Variants in PASD1 observed in about 807,000 individuals in gnomAD.
The protein encoded by PASD1 is PAS domain containing repressor 1, also known as circadian clock protein PASD1.
In PASD1, 13 loss-of-function variants were observed where a neutral mutation model predicts 58.8. That is an observed-to-expected ratio of 0.22 (90% CI 0.14 to 0.35). The LOEUF is 0.35. Ranked by LOEUF, PASD1 falls within the 10% of genes least tolerant of loss-of-function variation. The pLI, the probability that PASD1 is intolerant of heterozygous loss-of-function variation, is 1.00. For missense variants in PASD1, 734 were observed against 568.3 expected (o/e 1.29, Z -2.96); for synonymous variants, 236 against 216.7 (o/e 1.09, Z -0.78).
intron 9 of PASD1, among the ~76,000 whole-genome samples, chrX:151,656,789 T>C (rs2014248169): frequency 8.9e-6 from 1 of 111,903 alleles, no homozygotes; most frequent in South Asian, 3.7e-4. Context: ...AAATATACAA[T>C]CATGTCATCT....
chrX:151,604,705 T>G lies in PASD1; in HGVS notation c.88T>G (p.Tyr30Asp), dbSNP rs1159058872. 1 of 1,206,740 alleles carries G rather than the reference T, an allele frequency of 8.3e-7. No homozygotes were observed. ...AAACTGGATTCCATCATTTCCTACC[T>G]ATGATTACTTCAACCAAGTGACGCT... ...KLNWIPSFPT[Y>D]DYFNQVTLQL... The change falls in exon 3 of 16, where the codon TAT (tyrosine) becomes GAT (aspartate). Residue 30 changes from tyrosine (Y) to aspartate (D), a missense_variant. Tyr to Asp is a radical substitution (Grantham distance 160). Transcript: ENST00000370357.
intron 9 of PASD1, among the ~76,000 whole-genome samples, chrX:151,657,839 GTTT>G (rs57349622): frequency 2.0e-5 from 2 of 98,943 alleles, no homozygotes; most frequent in Admixed American, 1.1e-4. Flanking sequence ...TTTTTGGAGG[GTTT>G]TTTTTTTTTT....
intron 8 of PASD1, among the ~76,000 whole-genome samples, chrX:151,636,589 G>A (rs1458268899): frequency 9.1e-6 from 1 of 110,286 alleles, no homozygotes; most frequent in African/African-American, 3.3e-5. Flanking sequence ...TTTTTAGTAG[G>A]GATGGGGTTT....
At chrX:151,675,937 C>T in intron 15 of PASD1, 60 bp from the exon 16 acceptor site, 1 of 1,158,771 alleles carries the variant, frequency 8.6e-7, no homozygotes, top group Non-Finnish European at 1.2e-6. Context: ...CTCCTACCAC[C>T]AAAAAATGGG....
In PASD1 at chrX:151,601,597, T is replaced by C; in HGVS notation, c.28+16T>C. 5.0e-6 allele frequency: 6 copies of C among 1,204,937 alleles called. No individual in the cohort carries two copies. The highest frequency in any genetic ancestry group is 6.7e-6 in the Non-Finnish European group (6 of 889,997). On this transcript the variant is annotated intron_variant, in intron 2 of 15. Transcript: ENST00000370357. ...AAGAGAAGAGGTATGCATTCATAAC[T>C]GACTGACATTTCTGTCAAAGCCCTC...
At chrX:151,570,853 G>A (rs189425669) in intron 1 of PASD1, among the ~76,000 whole-genome samples, 88 of 112,303 alleles carry the variant, frequency 7.8e-4, no homozygotes, top group African/African-American at 2.6e-3. Context: ...TTTTACTGTG[G>A]ATTGTCAGCT....
intron 1 of PASD1, among the ~76,000 whole-genome samples, chrX:151,572,277 A>G (rs907536439): frequency 9.0e-6 from 1 of 111,641 alleles, no homozygotes; most frequent in Admixed American, 9.6e-5. Context: ...AACAACAACA[A>G]TAATAACAAT....
At chrX:151,581,622 T>C (rs1188758939) in intron 1 of PASD1, among the ~76,000 whole-genome samples, 1 of 111,444 alleles carries the variant, frequency 9.0e-6, no homozygotes, top group Admixed American at 9.6e-5. Context: ...TAGAAATACA[T>C]CTTTTCTTAT....
chrX:151,589,835 A>G (rs971169795), intron 1 of PASD1, among the ~76,000 whole-genome samples: 13 of 112,510 alleles, frequency 1.2e-4, no homozygotes, highest in Non-Finnish European at 1.7e-4. Flanking sequence ...TCATTGTTCT[A>G]TCACTAAAAG....
At chrX:151,618,911 G>A (rs1232078547) in intron 4 of PASD1, among the ~76,000 whole-genome samples, 1 of 111,365 alleles carries the variant, frequency 9.0e-6, no homozygotes, top group South Asian at 3.8e-4. Context: ...AGTGGTGAAA[G>A]CCCTTATAAA....
intron 1 of PASD1, among the ~76,000 whole-genome samples, chrX:151,580,741 A>T (rs891061020): frequency 9.0e-6 from 1 of 110,757 alleles, no homozygotes; most frequent in African/African-American, 3.3e-5. Flanking sequence ...TGTTCATGGT[A>T]TAATGTTAAG....
intron 7 of PASD1, among the ~76,000 whole-genome samples, chrX:151,624,481 A>G (rs956488083): frequency 1.8e-5 from 2 of 111,925 alleles, no homozygotes; most frequent in African/African-American, 6.5e-5. Flanking sequence ...TCCTTTCCCT[A>G]CCAGCTCTGT....
intron 3 of PASD1, among the ~76,000 whole-genome samples, chrX:151,607,883 A>ATT (rs1210497051): frequency 8.9e-6 from 1 of 111,969 alleles, no homozygotes; most frequent in Non-Finnish European, 1.9e-5. Context: ...AAGCAAAGCT[A>ATT]ACATCCCTGG....
At chrX:151,589,236 A>G (rs1429913298) in intron 1 of PASD1, among the ~76,000 whole-genome samples, 2 of 111,238 alleles carry the variant, frequency 1.8e-5, no homozygotes, top group African/African-American at 6.5e-5. Context: ...GCGGGCATAC[A>G]TTAGGTGCCA....
chrX:151,651,491 C>T (rs895295039), intron 9 of PASD1, among the ~76,000 whole-genome samples: 1 of 111,797 alleles, frequency 8.9e-6, no homozygotes, highest in Non-Finnish European at 1.9e-5. Context: ...CTAGGTAGGA[C>T]AGAAGCAGAC....
At chrX:151,593,564 G>C (rs1697525789) in intron 1 of PASD1, among the ~76,000 whole-genome samples, 1 of 110,786 alleles carries the variant, frequency 9.0e-6, no homozygotes, top group African/African-American at 3.3e-5. Flanking sequence ...TCCCCGCAAA[G>C]GACATGAACC....
chrX:151,674,072 G>A lies in PASD1; in HGVS notation c.2061G>A (p.Gln687=), dbSNP rs1450166101. 8.3e-7 allele frequency: 1 copy of A among 1,211,838 alleles called. No individual in the cohort carries two copies. Among genetic ancestry groups the A allele is most frequent in the East Asian group, 3.0e-5 (1 of 33,831 alleles). The change falls in exon 15 of 16, where the codon CAG becomes CAA. Residue 687 remains glutamine, a synonymous_variant. Transcript: ENST00000370357. The part of the protein sequence containing the change: ...DSTISTLETP[Q]DYIRLWQELS... Reference sequence around the variant, plus strand: ...CCATAAGCACCCTGGAGACCCCACAGGATTACATCCGGCTTTGGCAAGAGT... The same window carrying A: ...CCATAAGCACCCTGGAGACCCCACAAGATTACATCCGGCTTTGGCAAGAGT...
intron 1 of PASD1, among the ~76,000 whole-genome samples, chrX:151,599,353 G>A (rs936252878): frequency 1.2e-4 from 14 of 112,856 alleles, no homozygotes; most frequent in Non-Finnish European, 2.3e-4. Flanking sequence ...CCCAGATGGG[G>A]CAGCGGCCGG....
rs2014462546 is a variant in PASD1, at chrX:151,671,144, A to T, written c.1178A>T (p.Asp393Val). The T allele has an allele frequency of 4.1e-6, 5 of 1,212,032 alleles. No individual in the cohort carries two copies. The Middle Eastern group carries it at 9.2e-4, about 223-fold the overall frequency. ...GAAGAGAGGACTTGGTTGCTGCATG[A>T]TGCCATCCAAAACCAGCAGAATGCA... ...QLEERTWLLH[D>V]AIQNQQNALE... is the part of the protein sequence containing the mutation. Residue 393 changes from aspartate (D) to valine (V), a missense_variant, in exon 12 of 16, where the codon GAT becomes GTT. Transcript: ENST00000370357.
Sources: allele counts gnomAD v4.1 joint callset (sites outside exome capture counted in the v4.1 genomes callset), GRCh38; gene constraint gnomAD v4.1.1; transcripts MANE v1.5; gene names NCBI Gene and HGNC (gene_info 2026-07-23, HGNC 2026-07-21).